IGFL2: variants seen among roughly 807,000 people sequenced by gnomAD.
IGFL2 encodes the protein IGF like family member 2.
IGFL2 carries 7 observed loss-of-function variants against 13.9 expected under a neutral mutation model. That is an observed-to-expected ratio of 0.51 (90% CI 0.29 to 0.95). The LOEUF is 0.95. Ranked by LOEUF, IGFL2 falls within the 40% of genes least tolerant of loss-of-function variation. The pLI is 0.08. For synonymous variants in IGFL2, 55 were observed against 55.8 expected, an observed-to-expected ratio of 0.99 and a Z score of 0.07; for missense variants, 138 against 147.8, an observed-to-expected ratio of 0.93 and a Z score of 0.34.
chr19:46,171,056 C>T, the IGFL2 span, among the ~76,000 whole-genome samples: 1 of 151,928 alleles, frequency 6.6e-6, no homozygotes, highest in Non-Finnish European at 1.5e-5. Context: ...TATTTGTACA[C>T]TCCCTCCCCT....
chr19:46,163,055 C>G (rs535523859), downstream of IGFL2, among the ~76,000 whole-genome samples: 1 of 152,088 alleles, frequency 6.6e-6, no homozygotes, highest in African/African-American at 2.4e-5. Context: ...TTTCAGAGGC[C>G]GGATATGTTA....
the IGFL2 span, chr19:46,123,848 C>T: frequency 1.2e-5 from 19 of 1,568,906 alleles, no homozygotes; most frequent in South Asian, 2.4e-5. Context: ...TCATCCCTCC[C>T]TCATTCCTTT....
the IGFL2 span, among the ~76,000 whole-genome samples, chr19:46,122,529 T>G: frequency 1.3e-5 from 2 of 151,116 alleles, 1 homozygote; most frequent in East Asian, 3.9e-4. Context: ...TAGTCAACAG[T>G]TTTAGCACAA....
chr19:46,120,249 A>G, the IGFL2 span: 1 of 1,594,792 alleles, frequency 6.3e-7, no homozygotes, highest in South Asian at 1.1e-5. Context: ...CTTCTCTCCG[A>G]AGTTCAACTG....
the IGFL2 span, among the ~76,000 whole-genome samples, chr19:46,100,067 A>G: frequency 1.3e-5 from 2 of 152,070 alleles, no homozygotes; most frequent in Non-Finnish European, 2.9e-5. Context: ...TGGGTTAAAC[A>G]TGCTCCTTTA....
chr19:46,130,761 C>T, the IGFL2 span, among the ~76,000 whole-genome samples: 3 of 152,106 alleles, frequency 2.0e-5, no homozygotes, highest in Non-Finnish European at 4.4e-5. Flanking sequence ...GTAAATGATA[C>T]ACTATTCAGA....
At chr19:46,193,164 C>A in the IGFL2 span, among the ~76,000 whole-genome samples, 4 of 152,054 alleles carry the variant, frequency 2.6e-5, no homozygotes, top group Non-Finnish European at 5.9e-5. Flanking sequence ...TGCACTCCAG[C>A]CTGGGGGACA....
At chr19:46,135,915 C>T in the IGFL2 span, among the ~76,000 whole-genome samples, 3 of 152,230 alleles carry the variant, frequency 2.0e-5, no homozygotes, top group Non-Finnish European at 2.9e-5. Flanking sequence ...TGAATACAGG[C>T]CCTCAGTCTT....
At chr19:46,208,712 G>A in the IGFL2 span, 2 of 152,154 alleles carry the variant, frequency 1.3e-5, no homozygotes, top group African/African-American at 4.8e-5. Context: ...TTAAAAGTGT[G>A]TAGAAGTTCC....
chr19:46,210,917 C>G, the IGFL2 span, among the ~76,000 whole-genome samples: 1 of 152,234 alleles, frequency 6.6e-6, no homozygotes, highest in Non-Finnish European at 1.5e-5. Flanking sequence ...TCAGGACTTT[C>G]TGGTCTGCAG....
At chr19:46,171,044 C>T in the IGFL2 span, among the ~76,000 whole-genome samples, 1 of 151,992 alleles carries the variant, frequency 6.6e-6, no homozygotes, top group Non-Finnish European at 1.5e-5. Context: ...CTAATAAAAC[C>T]CTATTTGTAC....
At chr19:46,194,870 T>A in the IGFL2 span, among the ~76,000 whole-genome samples, 4 of 126,892 alleles carry the variant, frequency 3.2e-5, no homozygotes, top group South Asian at 2.5e-4. Flanking sequence ...TTTTTTTTTT[T>A]TTTTTTTTTT....
chr19:46,096,835 A>G, the IGFL2 span, among the ~76,000 whole-genome samples: 3 of 152,192 alleles, frequency 2.0e-5, no homozygotes, highest in African/African-American at 7.2e-5. Context: ...TGATTTGCAT[A>G]TGTTGAACCA....
the IGFL2 span, among the ~76,000 whole-genome samples, chr19:46,125,087 G>C: frequency 1.3e-5 from 2 of 152,230 alleles, no homozygotes; most frequent in Non-Finnish European, 2.9e-5. Flanking sequence ...CCTAATACTT[G>C]CTTCTTCTAT....
At chr19:46,093,475 C>T in the IGFL2 span, among the ~76,000 whole-genome samples, 1 of 152,132 alleles carries the variant, frequency 6.6e-6, no homozygotes, top group Non-Finnish European at 1.5e-5. Flanking sequence ...GGAATGTTTT[C>T]CTCCTAAGGT....
At chr19:46,137,556 C>A in the IGFL2 span, 2 of 1,025,666 alleles carry the variant, frequency 1.9e-6, no homozygotes, top group South Asian at 1.3e-5. Context: ...ATGGAATCGT[C>A]ATCCTCCGTC....
chr19:46,208,380 C>T, the IGFL2 span: 13,758 of 152,194 alleles, frequency 0.09, 875 homozygotes, highest in Non-Finnish European at 0.14. Flanking sequence ...GTGGTGGACA[C>T]GCCCTGGGCT....
chr19:46,123,268 C>A, the IGFL2 span, among the ~76,000 whole-genome samples: 1 of 150,716 alleles, frequency 6.6e-6, no homozygotes, highest in Admixed American at 6.6e-5. Flanking sequence ...AGTTTTTCTC[C>A]AGGTATCTTA....
chr19:46,152,261 C>T (rs1973537559), intron 1 of IGFL2, among the ~76,000 whole-genome samples: 1 of 134,892 alleles, frequency 7.4e-6, no homozygotes, highest in Non-Finnish European at 1.5e-5. Context: ...TAGTAGCTTC[C>T]TTAGGTTTTT....
Sources: gnomAD v4.1 joint callset for allele counts (sites outside exome capture counted in the v4.1 genomes callset) on GRCh38, gnomAD v4.1.1 for gene constraint, MANE v1.5 for transcripts, NCBI Gene and HGNC (gene_info 2026-07-23, HGNC 2026-07-21) for gene names.